The following GSPT1 variants were observed in gnomAD, a reference collection of about 807,000 sequenced individuals.
GSPT1 encodes the protein eukaryotic peptide chain release factor GTP-binding subunit ERF3A.
Under a neutral mutation model 72.5 loss-of-function variants are expected in GSPT1, and 20 were observed. The observed-to-expected ratio is 0.28, with a 90% CI of 0.19 to 0.40. The LOEUF (loss-of-function observed/expected upper bound fraction) is 0.40. Among genes scored for constraint, GSPT1 ranks in the 10% least tolerant of loss-of-function variants. The probability of loss-of-function intolerance (pLI) is 1.00; values close to 1 mark genes in which losing one functional copy is unlikely to be tolerated. For synonymous variants in GSPT1, 334 were observed against 293.5 expected (o/e 1.14, Z -1.41); for missense variants, 580 against 811.9 (o/e 0.71, Z 3.47).
At position 11,879,713 on chromosome 16, in the gene GSPT1, T is replaced by G. The variant is rs529737778; in HGVS notation, c.1429-2133A>C. Among the ~76,000 whole-genome samples, 3 of 134,926 alleles carry G rather than the reference T, an allele frequency of 2.2e-5. No individual in the cohort carries two copies. The South Asian group carries it at 6.6e-4, about 30-fold the overall frequency. 88.5% of individuals were successfully genotyped at this position (134,926 alleles called of 152,430 possible). ...GAGATCACACCACTGCACTCCAGCCTGGGCTACAGAGCGAGACTCCGTCTC... is the reference window on the plus strand; with the variant it reads ...GAGATCACACCACTGCACTCCAGCCGGGGCTACAGAGCGAGACTCCGTCTC... On this transcript the variant is annotated intron_variant, in intron 11 of 14. Transcript: ENST00000434724.
chr16:11,915,149 G>T, intron 1 of GSPT1: 1 of 1,041,106 alleles, frequency 9.6e-7, no homozygotes, highest in African/African-American at 1.7e-5. Context: ...CCGGGTCTTT[G>T]GGCGCGCTGC....
chr16:11,905,361 GC>G (rs1251007366), intron 1 of GSPT1, among the ~76,000 whole-genome samples: 1 of 152,130 alleles, frequency 6.6e-6, no homozygotes, highest in African/African-American at 2.4e-5. Flanking sequence ...AATTTAAATA[GC>G]CACATGTGGT....
In GSPT1 at chr16:11,871,993, A is replaced by G. The variant is rs1484075723; in HGVS notation, c.*1126T>C. 1 of 152,244 alleles carries G rather than the reference A, an allele frequency of 6.6e-6. No individual in the cohort carries two copies. Among genetic ancestry groups the G allele is most frequent in the African/African-American group, 2.4e-5 (1 of 41,464 alleles). 9.4% of individuals were successfully genotyped at this position (152,244 alleles called of 1,614,324 possible). A position where few individuals can be genotyped will look rare whatever the true frequency, so the allele number is the denominator to read the frequency against. On this transcript the variant is annotated 3_prime_UTR_variant, in exon 15 of 15. Transcript: ENST00000434724. The stretch of plus-strand genomic sequence containing the variant: ...CCCTGCTTGATTCTGCTTATCGCTG[A>G]TAATTTTAGTCTGTTCAGATTCTGA...
chr16:11,911,413 G>A (rs2150893261), intron 1 of GSPT1, among the ~76,000 whole-genome samples: 1 of 152,232 alleles, frequency 6.6e-6, no homozygotes, highest in African/African-American at 2.4e-5. Context: ...TTTGGACAGT[G>A]TCTCATTTGG....
intron 11 of GSPT1, among the ~76,000 whole-genome samples, chr16:11,879,084 T>TAAAA (rs1486496655): frequency 2.9e-5 from 2 of 68,344 alleles, no homozygotes; most frequent in African/African-American, 1.1e-4. Context: ...CTCCAAAAAA[T>TAAAA]AAAAAATAAT....
At chr16:11,892,531 AC>A (rs1248099286) in intron 5 of GSPT1, among the ~76,000 whole-genome samples, 7,523 of 139,710 alleles carry the variant, frequency 0.054, 537 homozygotes, top group African/African-American at 0.14. Flanking sequence ...AACAAAAAAA[AC>A]AAAAAATAAA....
intron 1 of GSPT1, among the ~76,000 whole-genome samples, chr16:11,913,400 TCTC>T (rs2054585158): frequency 6.6e-6 from 1 of 152,254 alleles, no homozygotes; most frequent in African/African-American, 2.4e-5. Context: ...CTGTACGGAT[TCTC>T]TTACTGACAG....
intron 6 of GSPT1, among the ~76,000 whole-genome samples, chr16:11,888,816 C>T (rs993883471): frequency 1.3e-5 from 2 of 152,088 alleles, no homozygotes; most frequent in African/African-American, 4.8e-5. Context: ...GATTCAAACC[C>T]TTAGAGCTTT....
chr16:11,889,166 G>A (rs1029869781), intron 6 of GSPT1, among the ~76,000 whole-genome samples: 8 of 151,570 alleles, frequency 5.3e-5, no homozygotes, highest in African/African-American at 1.9e-4. Context: ...AAATTAGCCA[G>A]GCGTGGTGGC....
At chr16:11,908,759 C>CAAAAAAAA (rs764948242) in intron 1 of GSPT1, 24 of 25,664 alleles carry the variant, frequency 9.4e-4, no homozygotes, top group South Asian at 5.3e-3. Flanking sequence ...GACTCCGTCT[C>CAAAAAAAA]AAAAAAAAAA....
At chr16:11,883,164 G>A (rs1025138801) in intron 10 of GSPT1, 69 bp from the exon 11 acceptor site, 1 of 921,612 alleles carries the variant, frequency 1.1e-6, no homozygotes. Context: ...ATAGCCCAAA[G>A]TGAAATTCTA....
At chr16:11,895,184 A>G (rs2141299720) in intron 4 of GSPT1, 197 bp from the exon 5 acceptor site, 1 of 461,376 alleles carries the variant, frequency 2.2e-6, no homozygotes, top group South Asian at 2.5e-5. Context: ...TAATTCCAGC[A>G]CTTTGGGAGG....
chr16:11,902,589 CTTTT>C (rs138731095), intron 1 of GSPT1, among the ~76,000 whole-genome samples: 7 of 144,546 alleles, frequency 4.8e-5, no homozygotes, highest in East Asian at 2.0e-4. Flanking sequence ...GGAACTGGAT[CTTTT>C]TTTTTTTTTT....
intron 1 of GSPT1, among the ~76,000 whole-genome samples, chr16:11,899,654 T>G (rs1240746723): frequency 6.6e-6 from 1 of 152,200 alleles, no homozygotes; most frequent in Non-Finnish European, 1.5e-5. Flanking sequence ...ACAATACAGA[T>G]TAACTTTTTT....
At chr16:11,903,153 T>A (rs1012112085) in intron 1 of GSPT1, among the ~76,000 whole-genome samples, 2 of 152,196 alleles carry the variant, frequency 1.3e-5, no homozygotes, top group Non-Finnish European at 2.9e-5. Flanking sequence ...GAATACTTCA[T>A]GTCAATGGAA....
At position 11,877,643 on chromosome 16, in the gene GSPT1, G is replaced by T; in HGVS notation, c.1429-63C>A. The T allele has an allele frequency of 1.1e-6, 1 of 952,330 alleles. No individual in the cohort carries two copies. The highest frequency in any genetic ancestry group is 1.5e-6 in the Non-Finnish European group (1 of 652,592). 59.0% of individuals were successfully genotyped at this position (952,330 alleles called of 1,614,324 possible). ...TTCACTGCATTACGCAACATAAAAT[G>T]ATCTGAATGTCTGTCTGCTCAATAA... is the stretch of plus-strand genomic sequence containing the variant. On this transcript the variant is annotated intron_variant, in intron 11 of 14. Coordinates refer to ENST00000434724, the MANE Select transcript of GSPT1 (RefSeq NM_002094.4). This position sits in a 1 kb window ranked among gnomAD's most constrained non-coding sequence, Gnocchi z 4.0.
chr16:11,892,532 C>CAAA (rs57710463), intron 5 of GSPT1, among the ~76,000 whole-genome samples: 1 of 102,888 alleles, frequency 9.7e-6, no homozygotes, highest in African/African-American at 4.2e-5. Flanking sequence ...ACAAAAAAAA[C>CAAA]AAAAAATAAA....
chr16:11,873,530 T>C (rs468510), intron 14 of GSPT1, among the ~76,000 whole-genome samples: 149,072 of 149,572 alleles, frequency 1, 74,286 homozygotes, highest in Admixed American at 1. Flanking sequence ...AGGCTGGTCT[T>C]GAACTCCTGA....
rs1490371537 is a variant in GSPT1 at position 11,868,905 on chromosome 16, G to A, written c.*4214C>T. 6.6e-6 allele frequency: 1 copy of A among 152,190 alleles called. No homozygotes were observed. Among genetic ancestry groups the A allele is most frequent in the Non-Finnish European group, 1.5e-5 (1 of 68,040 alleles). 9.4% of individuals were successfully genotyped at this position (152,190 alleles called of 1,614,324 possible). A position where few individuals can be genotyped will look rare whatever the true frequency, so the allele number is the denominator to read the frequency against. On this transcript the variant is annotated 3_prime_UTR_variant, in exon 15 of 15. Coordinates refer to ENST00000434724, the MANE Select transcript of GSPT1 (RefSeq NM_002094.4). ...CAACCTGCTTTTCCCTTATATTGGA[G>A]AACATAAAGGTTTTAATTAATCTCC...
Sources: gnomAD v4.1 joint callset for allele counts (sites outside exome capture counted in the v4.1 genomes callset) on GRCh38, gnomAD v4.1.1 for gene constraint, Gnocchi (gnomAD v3.1) non-coding constraint, MANE v1.5 for transcripts, NCBI Gene and HGNC (gene_info 2026-07-23, HGNC 2026-07-21) for gene names.